The following NHSL1 variants were observed in gnomAD, a reference collection of about 807,000 sequenced individuals.
NHSL1 encodes the protein NHS-like protein 1.
Under a neutral mutation model 95.0 loss-of-function variants are expected in NHSL1, and 48 were observed. The observed-to-expected ratio is 0.51, with a 90% CI of 0.40 to 0.64. The LOEUF (loss-of-function observed/expected upper bound fraction) is 0.64. Ranked by LOEUF, NHSL1 falls within the 30% of genes least tolerant of loss-of-function variation. The probability of loss-of-function intolerance (pLI) is 0.00; values close to 1 mark genes in which losing one functional copy is unlikely to be tolerated. For missense variants in NHSL1, 1,971 were observed against 2,077.7 expected (o/e 0.95, Z 1.00); for synonymous variants, 783 against 833.9 (o/e 0.94, Z 1.05).
chr6:138,448,751 T>C (rs909787724), intron 3 of NHSL1, among the ~76,000 whole-genome samples: 12 of 152,142 alleles, frequency 7.9e-5, no homozygotes, highest in African/African-American at 2.9e-4. Context: ...TATAAAGAAA[T>C]GCATTGATTA....
At chr6:138,605,342 C>A (rs1008673393) in intron 1 of NHSL1, among the ~76,000 whole-genome samples, 9 of 152,240 alleles carry the variant, frequency 5.9e-5, no homozygotes, top group Admixed American at 5.9e-4. Context: ...CCTCCCACCT[C>A]AGCCTCCCGG....
exon 1 of NHSL1, chr6:138,571,930 TAGAGAC>T: frequency 6.5e-7 from 1 of 1,548,762 alleles, no homozygotes. Flanking sequence ...CAAAATCAAC[TAGAGAC>T]AAAGAACAGC....
At chr6:138,441,883 T>C in intron 5 of NHSL1, 100 bp downstream of exon 5, 2 of 1,167,526 alleles carry the variant, frequency 1.7e-6, no homozygotes, top group Non-Finnish European at 2.3e-6. Context: ...ACCAAACGGC[T>C]ATCAGAATGT....
intron 1 of NHSL1, among the ~76,000 whole-genome samples, chr6:138,615,509 C>T (rs777568617): frequency 4.6e-5 from 7 of 152,246 alleles, no homozygotes; most frequent in Non-Finnish European, 1.0e-4. Context: ...CTCGCTCTGT[C>T]GCCCAGGGTG....
chr6:138,610,813 C>T (rs1356109576), intron 1 of NHSL1, among the ~76,000 whole-genome samples: 1 of 152,088 alleles, frequency 6.6e-6, no homozygotes, highest in East Asian at 1.9e-4. Flanking sequence ...CGCAGTGGCT[C>T]ATGCCTGTAA....
chr6:138,437,029 T>G (rs535588164), intron 5 of NHSL1, among the ~76,000 whole-genome samples: 2 of 152,158 alleles, frequency 1.3e-5, no homozygotes, highest in Admixed American at 1.3e-4. Flanking sequence ...CCCAACACTT[T>G]GGGAGGCCAA....
At chr6:138,651,196 C>T (rs780255351) in intron 1 of NHSL1, among the ~76,000 whole-genome samples, 1 of 152,122 alleles carries the variant, frequency 6.6e-6, no homozygotes, top group African/African-American at 2.4e-5. Context: ...TCAGTTTAAC[C>T]TAAATGTTGA....
intron 1 of NHSL1, among the ~76,000 whole-genome samples, chr6:138,610,797 G>A (rs1784501983): frequency 1.3e-5 from 2 of 152,122 alleles, no homozygotes; most frequent in South Asian, 4.2e-4. Flanking sequence ...GGCATTATTG[G>A]CTGGGCGCAG....
rs192991732 is a variant in NHSL1, at chr6:138,514,206, T to C, written c.17-17835A>G. Among the ~76,000 whole-genome samples, 985 of 152,046 alleles carry C rather than the reference T, an allele frequency of 6.5e-3. 4 individuals are homozygous for C. Among genetic ancestry groups the C allele is most frequent in the Non-Finnish European group, 7.7e-3 (526 of 67,978 alleles). ...GGTGGTGAGCACCTGTAGTGCCAGG[T>C]ACTCAGGAGGCTGAGGCAGAAGAAT... On this transcript the variant is annotated intron_variant, in intron 1 of 4. Transcript: ENST00000342260.
chr6:138,503,151 T>A (rs1780777129), upstream of NHSL1, among the ~76,000 whole-genome samples: 1 of 152,186 alleles, frequency 6.6e-6, no homozygotes, highest in Non-Finnish European at 1.5e-5. Context: ...ACTAATGGTG[T>A]TTTTCTTTCT....
chr6:138,593,780 G>C (rs750792950), intron 1 of NHSL1, among the ~76,000 whole-genome samples: 10 of 152,114 alleles, frequency 6.6e-5, no homozygotes, highest in Non-Finnish European at 1.3e-4. Context: ...AAAGCTGAGG[G>C]ATAGAGTTAT....
chr6:138,487,523 C>T (rs1482205207), intron 2 of NHSL1, among the ~76,000 whole-genome samples: 19 of 152,230 alleles, frequency 1.2e-4, no homozygotes, highest in Admixed American at 1.0e-3. Flanking sequence ...TAAGATTACA[C>T]ATCCCAGTTT....
intron 1 of NHSL1, among the ~76,000 whole-genome samples, chr6:138,587,498 T>G (rs1398358638): frequency 1.5e-5 from 2 of 130,776 alleles, no homozygotes; most frequent in African/African-American, 3.0e-5. Flanking sequence ...AGAGCAAAAC[T>G]CTGTCAAAAA....
intron 2 of NHSL1, among the ~76,000 whole-genome samples, chr6:138,485,765 C>A (rs918546283): frequency 6.6e-6 from 1 of 152,170 alleles, no homozygotes; most frequent in Non-Finnish European, 1.5e-5. Context: ...TGGTTTCACC[C>A]GGCTGGGCAA....
chr6:138,453,760 C>T (rs959458854), intron 3 of NHSL1, among the ~76,000 whole-genome samples: 1 of 151,804 alleles, frequency 6.6e-6, no homozygotes, highest in African/African-American at 2.4e-5. Flanking sequence ...ATTGCCCAGG[C>T]TGGTCTTGAA....
At chr6:138,445,679 A>G (rs1347438282) in intron 4 of NHSL1, among the ~76,000 whole-genome samples, 1 of 152,224 alleles carries the variant, frequency 6.6e-6, no homozygotes, top group African/African-American at 2.4e-5. Context: ...TGAAAATGCT[A>G]TTAGCCCCTT....
intron 1 of NHSL1, chr6:138,650,408 G>A (rs926225703): frequency 1.1e-5 from 16 of 1,430,724 alleles, no homozygotes; most frequent in Non-Finnish European, 1.5e-5. Flanking sequence ...CTAGCAGGAA[G>A]GGGTAGGTCA....
intron 1 of NHSL1, among the ~76,000 whole-genome samples, chr6:138,534,595 C>A (rs1229435829): frequency 6.6e-6 from 1 of 152,194 alleles, no homozygotes; most frequent in Non-Finnish European, 1.5e-5. Context: ...AGTTCTCTAA[C>A]TTCTACAGGC....
chr6:138,671,915 G>C (rs1054705431), intron 1 of NHSL1, among the ~76,000 whole-genome samples: 3 of 150,946 alleles, frequency 2.0e-5, no homozygotes, highest in Admixed American at 6.6e-5. Flanking sequence ...AAGAGGATAG[G>C]GAAGATGTAG....
Sources: allele counts gnomAD v4.1 joint callset (sites outside exome capture counted in the v4.1 genomes callset), GRCh38; gene constraint gnomAD v4.1.1; transcripts MANE v1.5; gene names NCBI Gene and HGNC (gene_info 2026-07-23, HGNC 2026-07-21).